The following ARK2C variants were observed in gnomAD, a reference collection of about 807,000 sequenced individuals.
The protein encoded by ARK2C is arkadia (RNF111) C-terminal like ring finger ubiquitin ligase 2C, also known as E3 ubiquitin-protein ligase ARK2C.
At chr18:46,415,099 G>A in the ARK2C span, among the ~76,000 whole-genome samples, 5 of 152,186 alleles carry the variant, frequency 3.3e-5, no homozygotes, top group Non-Finnish European at 7.3e-5. Context: ...TTCAGGGCCT[G>A]GTGGAGTCCC....
chr18:46,372,132 G>A, the ARK2C span, among the ~76,000 whole-genome samples: 1 of 152,166 alleles, frequency 6.6e-6, no homozygotes, highest in African/African-American at 2.4e-5. Flanking sequence ...GCTGGAGGTT[G>A]GCTGCAGGGC....
At chr18:46,361,372 G>A in the ARK2C span, among the ~76,000 whole-genome samples, 1 of 152,104 alleles carries the variant, frequency 6.6e-6, no homozygotes, top group African/African-American at 2.4e-5. Context: ...CATTACATAT[G>A]TCTGTGTATA....
chr18:46,373,600 C>T, the ARK2C span, among the ~76,000 whole-genome samples: 1 of 152,334 alleles, frequency 6.6e-6, no homozygotes, highest in East Asian at 1.9e-4. Flanking sequence ...TATAGATCCC[C>T]AGTGACGTTG....
At chr18:46,435,347 G>A in the ARK2C span, 50 of 1,614,010 alleles carry the variant, frequency 3.1e-5, no homozygotes, top group African/African-American at 1.9e-4. Context: ...CTTCGACTTC[G>A]GCCAACTGCA....
chr18:46,438,009 G>A, the ARK2C span, among the ~76,000 whole-genome samples: 705 of 152,336 alleles, frequency 4.6e-3, 6 homozygotes, highest in African/African-American at 0.014. Context: ...GCTGGCACTC[G>A]TAGGGCCAGA....
chr18:46,417,247 G>T, the ARK2C span, among the ~76,000 whole-genome samples: 1 of 152,128 alleles, frequency 6.6e-6, no homozygotes, highest in African/African-American at 2.4e-5. Context: ...TTTGCCTTCT[G>T]CAGCCTATTC....
At chr18:46,382,317 G>C in the ARK2C span, among the ~76,000 whole-genome samples, 10 of 152,182 alleles carry the variant, frequency 6.6e-5, no homozygotes, top group African/African-American at 2.4e-4. Context: ...CATGCTGTCA[G>C]ACCCTCATGG....
chr18:46,455,564 A>C, the ARK2C span, among the ~76,000 whole-genome samples: 2 of 152,118 alleles, frequency 1.3e-5, no homozygotes, highest in Non-Finnish European at 2.9e-5. Flanking sequence ...TGGCCGGGCA[A>C]GGTGGCTCAC....
At chr18:46,404,176 G>T in the ARK2C span, among the ~76,000 whole-genome samples, 2 of 152,108 alleles carry the variant, frequency 1.3e-5, no homozygotes, top group African/African-American at 4.8e-5. Flanking sequence ...TATGATTCTT[G>T]ATTTCTCGAA....
the ARK2C span, among the ~76,000 whole-genome samples, chr18:46,447,077 A>G: frequency 6.6e-6 from 1 of 152,194 alleles, no homozygotes; most frequent in African/African-American, 2.4e-5. Context: ...GAATTTTTCT[A>G]TATTTTTAGG....
chr18:46,337,565 A>G, the ARK2C span: 1 of 984,676 alleles, frequency 1.0e-6, no homozygotes, highest in Non-Finnish European at 1.2e-6. Context: ...TTTTTTTTGT[A>G]TCGTGTGCAT....
At chr18:46,384,676 C>G in the ARK2C span, among the ~76,000 whole-genome samples, 1 of 152,144 alleles carries the variant, frequency 6.6e-6, no homozygotes, top group East Asian at 1.9e-4. Flanking sequence ...CCTCTTTCCA[C>G]TTGGGACCAT....
chr18:46,452,444 T>A, the ARK2C span, among the ~76,000 whole-genome samples: 1 of 152,082 alleles, frequency 6.6e-6, no homozygotes, highest in Non-Finnish European at 1.5e-5. Flanking sequence ...CACACCCAGC[T>A]AATTTTTATA....
At chr18:46,397,994 G>A in the ARK2C span, among the ~76,000 whole-genome samples, 1 of 147,958 alleles carries the variant, frequency 6.8e-6, no homozygotes, top group Admixed American at 6.7e-5. Context: ...AGGTGTGAGG[G>A]TGTGTGTGCA....
At chr18:46,436,603 T>A in the ARK2C span, among the ~76,000 whole-genome samples, 1 of 152,192 alleles carries the variant, frequency 6.6e-6, no homozygotes, top group Non-Finnish European at 1.5e-5. Context: ...CAGGAATGAT[T>A]CCAGAGAATA....
chr18:46,416,553 T>A, the ARK2C span, among the ~76,000 whole-genome samples: 2 of 152,250 alleles, frequency 1.3e-5, no homozygotes, highest in South Asian at 4.1e-4. Flanking sequence ...ACGCCATTTG[T>A]ATCAGTTAGC....
chr18:46,396,601 C>A, the ARK2C span, among the ~76,000 whole-genome samples: 3 of 152,200 alleles, frequency 2.0e-5, no homozygotes, highest in Non-Finnish European at 4.4e-5. Context: ...ATTCAGTGGT[C>A]TTTGGTAAGT....
At chr18:46,334,816 A>C in the ARK2C span, 4 of 169,400 alleles carry the variant, frequency 2.4e-5, no homozygotes, top group South Asian at 2.7e-4. This position sits in a 1 kb window ranked among gnomAD's most constrained non-coding sequence, Gnocchi z 4.4. Context: ...TTTTGTATTC[A>C]TTTTTTGTTC....
chr18:46,366,292 CAAAAA>C, the ARK2C span, among the ~76,000 whole-genome samples: 1 of 54,506 alleles, frequency 1.8e-5, no homozygotes, highest in Non-Finnish European at 3.7e-5. Context: ...AACTCTGGCT[CAAAAA>C]AAAAAAAAAA....
Sources: allele counts gnomAD v4.1 joint callset (sites outside exome capture counted in the v4.1 genomes callset), GRCh38; gene constraint gnomAD v4.1.1; non-coding constraint Gnocchi (gnomAD v3.1); transcripts MANE v1.5; gene names NCBI Gene and HGNC (gene_info 2026-07-23, HGNC 2026-07-21).